TLR6: variants seen among roughly 807,000 people sequenced by gnomAD.
The protein encoded by TLR6 is toll-like receptor 6.
A neutral mutation model predicts 16.1 loss-of-function variants in TLR6; 9 were observed. The ratio of observed to expected loss-of-function variants is 0.56; its 90% CI spans 0.34 to 0.98. The LOEUF (loss-of-function observed/expected upper bound fraction) is 0.98, where lower values mean the gene tolerates loss of function less well. TLR6 is among the 50% of genes least tolerant of loss of function. TLR6 has a pLI of 0.02. For synonymous variants in TLR6, 340 were observed against 338.6 expected (o/e 1.00, Z -0.04); for missense variants, 786 against 921.0 (o/e 0.85, Z 1.90).
upstream of TLR6, among the ~76,000 whole-genome samples, chr4:38,860,370 C>T (rs143036309): frequency 8.6e-5 from 13 of 151,902 alleles, no homozygotes; most frequent in African/African-American, 2.7e-4. Context: ...TACTCAGGAG[C>T]CTGAGGCACG....
chr4:38,864,840 C>T, the TLR6 span, among the ~76,000 whole-genome samples: 1 of 152,030 alleles, frequency 6.6e-6, no homozygotes, highest in Non-Finnish European at 1.5e-5. Flanking sequence ...AGCAAGACCA[C>T]GACTCTACAA....
intron 1 of TLR6, among the ~76,000 whole-genome samples, chr4:38,830,296 C>G (rs918931049): frequency 3.3e-5 from 5 of 152,216 alleles, no homozygotes; most frequent in African/African-American, 9.7e-5. Context: ...AAGTTACTGG[C>G]TGACCACTAA....
intron 1 of TLR6, among the ~76,000 whole-genome samples, chr4:38,833,500 A>C (rs1019058408): frequency 1.3e-5 from 2 of 152,232 alleles, no homozygotes; most frequent in African/African-American, 4.8e-5. Flanking sequence ...AATCAAAGCC[A>C]AAGCACCCTA....
At chr4:38,822,913 G>A (rs571430869), downstream of TLR6, among the ~76,000 whole-genome samples, 15 of 152,320 alleles carry the variant, frequency 9.8e-5, no homozygotes, top group African/African-American at 3.6e-4. Context: ...AAAGAAAGAG[G>A]TTTATTGGAC....
At chr4:38,827,096 T>C in exon 2 of TLR6, 1 of 1,583,196 alleles carries the variant, frequency 6.3e-7, no homozygotes, top group Non-Finnish European at 8.6e-7. Context: ...AGATTTCACA[T>C]CATTGTTTTC....
chr4:38,856,747 G>A lies in TLR6; in HGVS notation c.-65+14C>T, dbSNP rs1237394390. 6.6e-6 allele frequency: 1 copy of A among 152,212 alleles called. No homozygotes were observed. Among genetic ancestry groups the A allele is most frequent in the African/African-American group, 2.4e-5 (1 of 41,460 alleles). The allele number at this position is 152,212 out of a possible 1,614,324, so 9.4% of individuals were successfully genotyped here. ...GCCATAATGTGAAAAAGCCACAGAAGTCTTTCTACTTACCAAGATCTCTTT... is the reference window on the plus strand; with the variant it reads ...GCCATAATGTGAAAAAGCCACAGAAATCTTTCTACTTACCAAGATCTCTTT... On this transcript the variant is annotated intron_variant, in intron 1 of 1. Coordinates refer to ENST00000436693, the Ensembl canonical transcript of TLR6.
At chr4:38,854,260 G>C (rs894234354) in intron 1 of TLR6, among the ~76,000 whole-genome samples, 27 of 152,272 alleles carry the variant, frequency 1.8e-4, no homozygotes, top group South Asian at 4.1e-4. Flanking sequence ...AGTTAAGACA[G>C]ACTTGCTATA....
the TLR6 span, among the ~76,000 whole-genome samples, chr4:38,863,536 C>G: frequency 6.6e-6 from 1 of 152,318 alleles, no homozygotes; most frequent in East Asian, 1.9e-4. Context: ...AAACCTGCCC[C>G]CTCTTGCATC....
chr4:38,846,851 T>C (rs1283396343), intron 1 of TLR6, among the ~76,000 whole-genome samples: 1 of 152,080 alleles, frequency 6.6e-6, no homozygotes, highest in African/African-American at 2.4e-5. Flanking sequence ...TAACTCCTGA[T>C]GTTGTTAGAA....
upstream of TLR6, among the ~76,000 whole-genome samples, chr4:38,858,755 GA>G (rs1560274442): frequency 2.7e-3 from 164 of 60,582 alleles, 3 homozygotes; most frequent in African/African-American, 0.017. Context: ...GAGAGAGAGA[GA>G]GGGAGAGAGA....
At chr4:38,841,887 T>A (rs2109449497) in intron 1 of TLR6, among the ~76,000 whole-genome samples, 1 of 152,366 alleles carries the variant, frequency 6.6e-6, no homozygotes, top group African/African-American at 2.4e-5. Context: ...TCATTATTGT[T>A]TATTTTATTT....
At chr4:38,858,823 GA>G (rs1560274630), upstream of TLR6, among the ~76,000 whole-genome samples, 224 of 111,774 alleles carry the variant, frequency 2.0e-3, 6 homozygotes, top group East Asian at 0.023. Flanking sequence ...GGGAGAGAGA[GA>G]GAGAGAGGAA....
chr4:38,828,223 A>G, exon 2 of TLR6: 1 of 1,613,512 alleles, frequency 6.2e-7, no homozygotes, highest in Non-Finnish European at 8.5e-7. Flanking sequence ...TATGTCTACC[A>G]GATTCCAAAG....
chr4:38,858,581 A>G (rs1713080232), upstream of TLR6, among the ~76,000 whole-genome samples: 1 of 151,804 alleles, frequency 6.6e-6, no homozygotes, highest in Non-Finnish European at 1.5e-5. Flanking sequence ...TTAGCTGGGT[A>G]TGGTGGCAGG....
intron 1 of TLR6, among the ~76,000 whole-genome samples, chr4:38,837,555 A>C (rs2109435088): frequency 6.6e-6 from 1 of 152,332 alleles, no homozygotes; most frequent in Non-Finnish European, 1.5e-5. Context: ...CCCTGTAAGA[A>C]TGAAACTAGA....
chr4:38,829,218 T>C, exon 2 of TLR6: 1 of 1,614,156 alleles, frequency 6.2e-7, no homozygotes. Context: ...TGGATTCTGT[T>C]ATGGGAAAGT....
chr4:38,827,056 T>G lies in TLR6; in HGVS notation c.*27A>C. ...CACCATCATCCAAGTAAATAATGGTTTCTTAAGTTGAATTTCCTAAATTTT... is the reference window on the plus strand; with the variant it reads ...CACCATCATCCAAGTAAATAATGGTGTCTTAAGTTGAATTTCCTAAATTTT... On this transcript the variant is annotated 3_prime_UTR_variant, in exon 2 of 2. Coordinates refer to ENST00000436693, the Ensembl canonical transcript of TLR6. 3.3e-6 allele frequency: 5 copies of G among 1,499,650 alleles called. No individual in the cohort carries two copies. The South Asian group carries it at 6.6e-5, about 20-fold the overall frequency. 92.9% of individuals were successfully genotyped at this position (1,499,650 alleles called of 1,614,324 possible). A position where few individuals can be genotyped will look rare whatever the true frequency, so the allele number is the denominator to read the frequency against.
exon 2 of TLR6, chr4:38,828,142 A>T: frequency 6.2e-7 from 1 of 1,614,208 alleles, no homozygotes; most frequent in Non-Finnish European, 8.5e-7. Context: ...AACATCTGAA[A>T]ACAGAGTCAG....
chr4:38,847,828 G>T (rs1405207504), intron 1 of TLR6, among the ~76,000 whole-genome samples: 1 of 152,230 alleles, frequency 6.6e-6, no homozygotes, highest in African/African-American at 2.4e-5. Context: ...AAGGAGGCCT[G>T]CCTGCCTCTG....
Sources: allele counts gnomAD v4.1 joint callset (sites outside exome capture counted in the v4.1 genomes callset), GRCh38; gene constraint gnomAD v4.1.1; transcripts MANE v1.5; gene names NCBI Gene and HGNC (gene_info 2026-07-23, HGNC 2026-07-21).